KLHL1: variants seen among roughly 807,000 people sequenced by gnomAD.
KLHL1 encodes the protein kelch-like protein 1.
Under a neutral mutation model 77.7 loss-of-function variants are expected in KLHL1, and 47 were observed. The ratio of observed to expected loss-of-function variants is 0.60; its 90% CI spans 0.48 to 0.77. The LOEUF (loss-of-function observed/expected upper bound fraction) is 0.77, where lower values mean the gene tolerates loss of function less well. KLHL1 is among the 30% of genes least tolerant of loss of function. The pLI is 0.00. For missense variants in KLHL1, 925 were observed against 910.8 expected, an observed-to-expected ratio of 1.02 and a Z score of -0.20; for synonymous variants, 360 against 325.2, an observed-to-expected ratio of 1.11 and a Z score of -1.15.
intron 1 of KLHL1, among the ~76,000 whole-genome samples, chr13:70,106,983 T>C (rs1009347956): frequency 3.3e-5 from 5 of 152,188 alleles, no homozygotes; most frequent in African/African-American, 7.2e-5. Flanking sequence ...TGGCTACAAC[T>C]TTGAAAACTT....
chr13:70,099,146 GTTTT>G (rs1008717969), intron 1 of KLHL1, among the ~76,000 whole-genome samples: 14 of 151,428 alleles, frequency 9.2e-5, no homozygotes, highest in Admixed American at 9.2e-4. Flanking sequence ...CATATGAGAA[GTTTT>G]TTAAGTTTTA....
intron 5 of KLHL1, among the ~76,000 whole-genome samples, chr13:69,858,444 G>A (rs1280860048): frequency 6.6e-6 from 1 of 152,012 alleles, no homozygotes; most frequent in Non-Finnish European, 1.5e-5. Flanking sequence ...TTGAAAACAA[G>A]ATGACATTCA....
intron 10 of KLHL1, among the ~76,000 whole-genome samples, chr13:69,706,607 T>C (rs1009146672): frequency 4.6e-5 from 7 of 151,984 alleles, no homozygotes; most frequent in Non-Finnish European, 7.4e-5. Flanking sequence ...GTTATTATTC[T>C]GCTTCAATTA....
At chr13:69,726,898 C>T (rs190801847) in intron 8 of KLHL1, among the ~76,000 whole-genome samples, 63 of 152,148 alleles carry the variant, frequency 4.1e-4, no homozygotes, top group Admixed American at 2.1e-3. Context: ...ATGACCAGTA[C>T]ATGTTTGTGA....
At chr13:70,014,697 T>C (rs567561746) in intron 1 of KLHL1, among the ~76,000 whole-genome samples, 6 of 152,280 alleles carry the variant, frequency 3.9e-5, no homozygotes, top group Admixed American at 2.0e-4. Context: ...ACTTAAAGAA[T>C]TGCACTTATA....
intron 7 of KLHL1, among the ~76,000 whole-genome samples, chr13:69,767,312 A>G (rs1364376): frequency 0.037 from 5,709 of 152,288 alleles, 134 homozygotes; most frequent in Middle Eastern, 0.068. Flanking sequence ...ATTAGGAAAA[A>G]CCTAAGTTTG....
chr13:69,787,555 C>A (rs1876622908), intron 7 of KLHL1, among the ~76,000 whole-genome samples: 2 of 152,154 alleles, frequency 1.3e-5, no homozygotes, highest in Non-Finnish European at 2.9e-5. Flanking sequence ...ACCATAAAAA[C>A]CCTAGAAGGA....
At chr13:69,965,052 T>C (rs909078037) in intron 2 of KLHL1, among the ~76,000 whole-genome samples, 2 of 152,226 alleles carry the variant, frequency 1.3e-5, no homozygotes, top group Non-Finnish European at 2.9e-5. Context: ...TGGTTGTTAT[T>C]GGTATATTCA....
Position 69,983,624 on chromosome 13 carries a change from G to C in KLHL1, c.498-7822C>G, listed in dbSNP as rs143848218. Among the ~76,000 whole-genome samples the C allele has an allele frequency of 8.3e-3, 1,177 of 142,250 alleles. 13 individuals carry two copies. Among genetic ancestry groups the C allele is most frequent in the African/African-American group, 0.023 (809 of 35,454 alleles). The allele number at this position is 142,250 out of a possible 152,430, so 93.3% of individuals were successfully genotyped here. On this transcript the variant is annotated intron_variant, in intron 1 of 10. Coordinates refer to ENST00000377844, the MANE Select transcript of KLHL1 (RefSeq NM_020866.3). ...AAGAAGAGAAAAAAAAAAAAAAGCTGTGTTTGATGGTAAACTCCTGGAATC... is the reference window on the plus strand; with the variant it reads ...AAGAAGAGAAAAAAAAAAAAAAGCTCTGTTTGATGGTAAACTCCTGGAATC...
At chr13:69,782,871 G>T (rs1876301683) in intron 7 of KLHL1, among the ~76,000 whole-genome samples, 1 of 152,192 alleles carries the variant, frequency 6.6e-6, no homozygotes, top group Admixed American at 6.5e-5. Context: ...TCCTCAAGTG[G>T]GTCCCTGACC....
intron 4 of KLHL1, among the ~76,000 whole-genome samples, chr13:69,885,313 A>T (rs974270124): frequency 6.6e-6 from 1 of 152,058 alleles, no homozygotes; most frequent in African/African-American, 2.4e-5. Context: ...AGTTACACTA[A>T]ATCTTTTGGT....
At chr13:69,952,901 A>G (rs1883756270) in intron 3 of KLHL1, among the ~76,000 whole-genome samples, 1 of 151,350 alleles carries the variant, frequency 6.6e-6, no homozygotes, top group African/African-American at 2.4e-5. Context: ...TACTATCAGC[A>G]AATCATATCA....
chr13:69,793,222 A>C (rs1242910518), intron 7 of KLHL1, among the ~76,000 whole-genome samples: 1 of 152,108 alleles, frequency 6.6e-6, no homozygotes, highest in East Asian at 1.9e-4. Flanking sequence ...ATATGACATA[A>C]AATATTATGA....
chr13:70,045,678 A>ATTTT (rs1886477299), intron 1 of KLHL1, among the ~76,000 whole-genome samples: 1 of 152,176 alleles, frequency 6.6e-6, no homozygotes, highest in African/African-American at 2.4e-5. Context: ...ATTCTTATAA[A>ATTTT]CACATATGGA....
intron 1 of KLHL1, among the ~76,000 whole-genome samples, chr13:70,044,031 T>C (rs1405458529): frequency 6.6e-6 from 1 of 152,214 alleles, no homozygotes; most frequent in Non-Finnish European, 1.5e-5. Flanking sequence ...AAATTCCCGT[T>C]GTCCTATTTT....
intron 4 of KLHL1, among the ~76,000 whole-genome samples, chr13:69,928,128 T>G (rs2138276675): frequency 6.6e-6 from 1 of 152,340 alleles, no homozygotes; most frequent in South Asian, 2.1e-4. Flanking sequence ...ATCATTAGGC[T>G]TTTGTTTAAG....
chr13:69,983,594 AG>A, intron 1 of KLHL1, among the ~76,000 whole-genome samples: 1 of 139,744 alleles, frequency 7.2e-6, no homozygotes, highest in Non-Finnish European at 1.5e-5. Context: ...AAAAAAAAGA[AG>A]AAGAAGAAGA....
intron 4 of KLHL1, among the ~76,000 whole-genome samples, chr13:69,937,182 G>A (rs1216310635): frequency 1.3e-5 from 2 of 152,166 alleles, no homozygotes; most frequent in Non-Finnish European, 2.9e-5. Flanking sequence ...GGAGATGGAA[G>A]TTGACTCTGG....
chr13:69,854,306 G>A (rs913849924), intron 5 of KLHL1, among the ~76,000 whole-genome samples: 25 of 152,010 alleles, frequency 1.6e-4, no homozygotes, highest in African/African-American at 6.0e-4. Flanking sequence ...ATGAAGGGGG[G>A]CCAGTGTGTG....
Sources: allele counts gnomAD v4.1 joint callset (sites outside exome capture counted in the v4.1 genomes callset), GRCh38; gene constraint gnomAD v4.1.1; transcripts MANE v1.5; gene names NCBI Gene and HGNC (gene_info 2026-07-23, HGNC 2026-07-21).